PRELID2: variants seen among roughly 807,000 people sequenced by gnomAD.
The protein encoded by PRELID2 is PRELI domain containing 2.
In PRELID2, 25 loss-of-function variants were observed where a neutral mutation model predicts 28.4. The ratio of observed to expected loss-of-function variants is 0.88; its 90% CI spans 0.64 to 1.23. The LOEUF (loss-of-function observed/expected upper bound fraction) is 1.23. Ranked by LOEUF, PRELID2 falls within the 50% of genes most tolerant of loss-of-function variation. The pLI is 0.00. For missense variants in PRELID2, 201 were observed against 214.4 expected, an observed-to-expected ratio of 0.94 and a Z score of 0.39; for synonymous variants, 76 against 71.6, an observed-to-expected ratio of 1.06 and a Z score of -0.31.
At chr5:145,229,264 G>T in the PRELID2 span, 1 of 760,748 alleles carries the variant, frequency 1.3e-6, no homozygotes. Context: ...GGATGCCCGA[G>T]TTCTACAACT....
At chr5:145,682,807 G>A (rs1011333194) in intron 1 of PRELID2, among the ~76,000 whole-genome samples, 1 of 152,104 alleles carries the variant, frequency 6.6e-6, no homozygotes, top group Non-Finnish European at 1.5e-5. Flanking sequence ...TGACCATCGA[G>A]GTTGATCATT....
intron 1 of PRELID2, among the ~76,000 whole-genome samples, chr5:145,496,117 A>C (rs1309980588): frequency 6.6e-6 from 1 of 152,248 alleles, no homozygotes; most frequent in African/African-American, 2.4e-5. Flanking sequence ...AGCATGAAAA[A>C]AGACAGACAA....
At chr5:145,403,099 G>A in the PRELID2 span, among the ~76,000 whole-genome samples, 1 of 152,178 alleles carries the variant, frequency 6.6e-6, no homozygotes, top group African/African-American at 2.4e-5. Context: ...AGCTTTCCTA[G>A]GGGAATGCAA....
chr5:145,395,403 C>T, the PRELID2 span, among the ~76,000 whole-genome samples: 4 of 152,188 alleles, frequency 2.6e-5, no homozygotes, highest in Middle Eastern at 3.4e-3. Flanking sequence ...AAAGGAATTT[C>T]GGCTCTATCC....
the PRELID2 span, among the ~76,000 whole-genome samples, chr5:145,444,967 T>C: frequency 6.6e-6 from 1 of 152,090 alleles, no homozygotes; most frequent in Non-Finnish European, 1.5e-5. Flanking sequence ...AAGCAATATA[T>C]AGATTCAGTA....
At chr5:145,450,051 G>A in the PRELID2 span, among the ~76,000 whole-genome samples, 1 of 152,156 alleles carries the variant, frequency 6.6e-6, no homozygotes, top group Non-Finnish European at 1.5e-5. Context: ...TTCCCTGTCA[G>A]AATGAAGCTG....
At chr5:145,504,595 G>A (rs1394839658) in intron 1 of PRELID2, among the ~76,000 whole-genome samples, 1 of 152,118 alleles carries the variant, frequency 6.6e-6, no homozygotes, top group Admixed American at 6.6e-5. Flanking sequence ...TATCTGGTTA[G>A]GATAATTGCC....
At chr5:145,797,943 G>T (rs995963259) in intron 4 of PRELID2, among the ~76,000 whole-genome samples, 4 of 151,744 alleles carry the variant, frequency 2.6e-5, no homozygotes, top group African/African-American at 9.7e-5. Flanking sequence ...AATGCTCCAT[G>T]AACTAAAATA....
chr5:145,456,640 C>T, the PRELID2 span, among the ~76,000 whole-genome samples: 4 of 152,254 alleles, frequency 2.6e-5, no homozygotes, highest in South Asian at 4.2e-4. Flanking sequence ...ATGTCTACCA[C>T]CACCACCTCT....
the PRELID2 span, among the ~76,000 whole-genome samples, chr5:145,258,994 C>T: frequency 2.0e-5 from 3 of 152,284 alleles, no homozygotes; most frequent in East Asian, 5.8e-4. Flanking sequence ...ACTCCAGCTC[C>T]AGTCCAGGCT....
At chr5:145,655,549 G>A (rs995441548) in intron 1 of PRELID2, among the ~76,000 whole-genome samples, 16 of 152,136 alleles carry the variant, frequency 1.1e-4, no homozygotes, top group Non-Finnish European at 1.6e-4. Flanking sequence ...TAACAAAACA[G>A]AGATATAGAC....
At chr5:145,344,185 T>A in the PRELID2 span, among the ~76,000 whole-genome samples, 1 of 151,900 alleles carries the variant, frequency 6.6e-6, no homozygotes, top group African/African-American at 2.4e-5. Context: ...TATACCAGAA[T>A]AAGACAAGGA....
At chr5:145,676,557 A>G (rs1395314760) in intron 1 of PRELID2, among the ~76,000 whole-genome samples, 1 of 152,196 alleles carries the variant, frequency 6.6e-6, no homozygotes, top group African/African-American at 2.4e-5. Context: ...AACAACAACA[A>G]CACAACTCAT....
intron 1 of PRELID2, among the ~76,000 whole-genome samples, chr5:145,606,383 A>G (rs907329070): frequency 1.3e-5 from 2 of 152,134 alleles, no homozygotes; most frequent in South Asian, 2.1e-4. Context: ...TTACCCATTC[A>G]GTATGATATT....
the PRELID2 span, among the ~76,000 whole-genome samples, chr5:145,457,723 T>C: frequency 1.3e-5 from 2 of 152,176 alleles, no homozygotes; most frequent in African/African-American, 2.4e-5. Context: ...ATATGATTCA[T>C]TTTGGACATT....
chr5:145,303,032 C>T, the PRELID2 span, among the ~76,000 whole-genome samples: 1 of 152,148 alleles, frequency 6.6e-6, no homozygotes, highest in African/African-American at 2.4e-5. Flanking sequence ...ACCTTGAAGT[C>T]AACAGTTATA....
At chr5:145,329,245 A>T in the PRELID2 span, among the ~76,000 whole-genome samples, 9 of 152,058 alleles carry the variant, frequency 5.9e-5, no homozygotes, top group East Asian at 1.5e-3. Context: ...TTTGCTTAGG[A>T]TTGTCTTGGC....
At chr5:145,695,797 G>C (rs1236421573) in intron 1 of PRELID2, among the ~76,000 whole-genome samples, 1 of 152,150 alleles carries the variant, frequency 6.6e-6, no homozygotes, top group Non-Finnish European at 1.5e-5. Flanking sequence ...CAAGGAGGAA[G>C]CTGCAATGTG....
the PRELID2 span, among the ~76,000 whole-genome samples, chr5:145,417,724 C>A: frequency 6.6e-6 from 1 of 152,024 alleles, no homozygotes; most frequent in East Asian, 1.9e-4. Context: ...TCTCAATAAA[C>A]TGGATATTGA....
Sources: gnomAD v4.1 joint callset for allele counts (sites outside exome capture counted in the v4.1 genomes callset) on GRCh38, gnomAD v4.1.1 for gene constraint, MANE v1.5 for transcripts, NCBI Gene and HGNC (gene_info 2026-07-23, HGNC 2026-07-21) for gene names.